The following SLC2A14 variants were observed in gnomAD, a reference collection of about 807,000 sequenced individuals.
SLC2A14 encodes solute carrier family 2, facilitated glucose transporter member 14.
In SLC2A14, 13 loss-of-function variants were observed where a neutral mutation model predicts 43.0. The ratio of observed to expected loss-of-function variants is 0.30; its 90% CI spans 0.20 to 0.48. The LOEUF (loss-of-function observed/expected upper bound fraction) is 0.48, where lower values mean the gene tolerates loss of function less well. Ranked by LOEUF, SLC2A14 falls within the 20% of genes least tolerant of loss-of-function variation. SLC2A14 has a pLI of 0.99. For missense variants in SLC2A14, 428 were observed against 620.4 expected, an observed-to-expected ratio of 0.69 and a Z score of 3.29; for synonymous variants, 190 against 233.8, an observed-to-expected ratio of 0.81 and a Z score of 1.71.
intron 7 of SLC2A14, among the ~76,000 whole-genome samples, chr12:7,827,113 CTTTT>C (rs1355460805): frequency 6.8e-5 from 8 of 118,302 alleles, no homozygotes; most frequent in Admixed American, 1.9e-4. Context: ...TTCTTTCTTT[CTTTT>C]TATTTCTTTC....
At chr12:7,866,238 A>AG (rs1011567329) in intron 2 of SLC2A14, among the ~76,000 whole-genome samples, 10 of 151,464 alleles carry the variant, frequency 6.6e-5, no homozygotes, top group Non-Finnish European at 1.0e-4. Context: ...AAAAAAAAAA[A>AG]AAAAGAAAAG....
intron 2 of SLC2A14, among the ~76,000 whole-genome samples, chr12:7,863,087 A>C (rs949423056): frequency 1.3e-5 from 2 of 152,102 alleles, no homozygotes; most frequent in African/African-American, 4.8e-5. Flanking sequence ...AAATCTTGCT[A>C]CTGCTCACTT....
rs1251200230 is a variant in SLC2A14 at position 7,812,838 on chromosome 12, G to A, written c.*1478C>T. On this transcript the variant is annotated 3_prime_UTR_variant, in exon 11 of 11. Transcript: ENST00000431042. ...AGCACCAAGAAGGGAAAGGGAGACT[G>A]AGCAACATATGAAAAAGGGGCTGTA... 1 of 152,142 alleles carries A rather than the reference G, an allele frequency of 6.6e-6. No homozygotes were observed. Among genetic ancestry groups the A allele is most frequent in the Admixed American group, 6.6e-5 (1 of 15,258 alleles). 9.4% of individuals were successfully genotyped at this position (152,142 alleles called of 1,614,324 possible). A position where few individuals can be genotyped will look rare whatever the true frequency, so the allele number is the denominator to read the frequency against.
At chr12:7,873,102 C>A (rs10772820), upstream of SLC2A14, 1 of 985,714 alleles carries the variant, frequency 1.0e-6, no homozygotes, top group Non-Finnish European at 1.2e-6. Flanking sequence ...ACGGTCCAGC[C>A]CCGGCGGCTG....
chr12:7,862,964 G>C (rs1052524664), intron 2 of SLC2A14, among the ~76,000 whole-genome samples: 2 of 152,066 alleles, frequency 1.3e-5, no homozygotes, highest in Non-Finnish European at 1.5e-5. Context: ...CAATCAGCAG[G>C]ATGTGGGTGG....
At chr12:7,875,042 TATATTTATATATAAATTATATA>T (rs1384704927), upstream of SLC2A14, among the ~76,000 whole-genome samples, 155 of 116,756 alleles carry the variant, frequency 1.3e-3, no homozygotes, top group African/African-American at 2.1e-3. Flanking sequence ...TATATAAATA[TATATTTATATATAAATTATATA>T]TTAAATATTA....
At position 7,821,238 on chromosome 12, in the gene SLC2A14, T is replaced by C. The variant is rs1863882166; in HGVS notation, c.952A>G (p.Ile318Val). 6.8e-6 allele frequency: 11 copies of C among 1,613,266 alleles called. No individual in the cohort carries two copies. Among genetic ancestry groups the C allele is most frequent in the African/African-American group, 1.3e-5 (1 of 74,904 alleles). Residue 318 changes from isoleucine to valine, a missense_variant, in exon 8 of 11, where the codon ATC (isoleucine) becomes GTC (valine). Coordinates refer to ENST00000431042, the MANE Select transcript of SLC2A14 (RefSeq NM_001286234.2). ...CAACTTACAGAAAGTAAAGTGAAGA[T>C]AGTATTAACCACACCCGCGCTGATG... ...ATISAGVVNT[I>V]FTLLSLFLVE...
chr12:7,828,453 C>G lies in SLC2A14; in HGVS notation c.676+251G>C, dbSNP rs530385176. ...ATCCCACCTACTCCGGAGGCTGATG[C>G]AGGAGAATCGCTTAGAACCCAGGAG... On this transcript the variant is annotated intron_variant, in intron 6 of 10. Transcript: ENST00000431042. Among the ~76,000 whole-genome samples the G allele has an allele frequency of 4.9e-4, 75 of 151,782 alleles. 1 individual carries two copies. The South Asian group carries it at 0.015, about 31-fold the overall frequency.
intron 1 of SLC2A14, among the ~76,000 whole-genome samples, chr12:7,888,859 T>C (rs1248271624): frequency 6.6e-6 from 1 of 151,718 alleles, no homozygotes; most frequent in East Asian, 1.9e-4. Context: ...TAGAAGAGAT[T>C]TAATTTAAAG....
intron 2 of SLC2A14, among the ~76,000 whole-genome samples, chr12:7,840,980 A>G (rs1865904222): frequency 1.3e-5 from 2 of 152,154 alleles, no homozygotes; most frequent in Admixed American, 6.5e-5. Flanking sequence ...AGGGTAATGC[A>G]CTAAAAATAG....
At chr12:7,838,786 A>C (rs898652478) in intron 2 of SLC2A14, among the ~76,000 whole-genome samples, 11 of 152,362 alleles carry the variant, frequency 7.2e-5, no homozygotes, top group South Asian at 2.1e-4. Context: ...CCTAAAATTC[A>C]TATGTTGAAG....
intron 1 of SLC2A14, among the ~76,000 whole-genome samples, chr12:7,885,594 A>G (rs1373673003): frequency 6.6e-6 from 1 of 151,594 alleles, no homozygotes. Flanking sequence ...TAGTCTGAGC[A>G]GTGCTTCTCT....
At chr12:7,872,991 GC>G, upstream of SLC2A14, 2 of 985,538 alleles carry the variant, frequency 2.0e-6, no homozygotes, top group Non-Finnish European at 2.4e-6. Context: ...TTCATCGGGA[GC>G]CCTCCGTAAG....
At chr12:7,830,129 T>G (rs148992229) in intron 4 of SLC2A14, 123 bp from the exon 5 acceptor site, 1 of 1,310,956 alleles carries the variant, frequency 7.6e-7, no homozygotes, top group Non-Finnish European at 1.0e-6. Context: ...GGTCTAACTT[T>G]TCTTTTTCAC....
chr12:7,862,872 C>T (rs775304011), intron 2 of SLC2A14, among the ~76,000 whole-genome samples: 2 of 152,030 alleles, frequency 1.3e-5, no homozygotes, highest in African/African-American at 4.8e-5. Context: ...ATCTGATGGG[C>T]ACGTGGAGAA....
At position 7,870,942 on chromosome 12, in the gene SLC2A14, T is replaced by G. The variant is rs1201725002; in HGVS notation, c.-57-1005A>C. The G allele has an allele frequency of 9.1e-6, 13 of 1,427,894 alleles. 1 individual carries two copies. The highest frequency in any genetic ancestry group is 1.2e-5 in the Non-Finnish European group (13 of 1,060,270). 88.5% of individuals were successfully genotyped at this position (1,427,894 alleles called of 1,614,324 possible). A position where few individuals can be genotyped will look rare whatever the true frequency, so the allele number is the denominator to read the frequency against. On this transcript the variant is annotated intron_variant, in intron 1 of 10. Coordinates refer to ENST00000431042, the MANE Select transcript of SLC2A14 (RefSeq NM_001286234.2). ...AATGTCTTCGTGATGTTCGACCAGT[T>G]CCACATCCAGGAGTTTAAGGAGGCT...
Position 7,831,586 on chromosome 12 carries a change from C to A in SLC2A14, c.272+18G>T, listed in dbSNP as rs964390851. On this transcript the variant is annotated intron_variant, in intron 4 of 10. Transcript: ENST00000431042. ...CATCTGGTAGAGCCCACTTCCTTGC[C>A]CAGTTTCTAGTCAATACCTGCCAAA... The A allele has an allele frequency of 6.2e-7, 1 of 1,613,558 alleles. No homozygotes were observed.
At position 7,831,778 on chromosome 12, in the gene SLC2A14, G is replaced by A. The variant is rs750388550; in HGVS notation, c.112-14C>T. On this transcript the variant is annotated splice_polypyrimidine_tract_variant and intron_variant, in intron 3 of 10. Coordinates refer to ENST00000431042, the MANE Select transcript of SLC2A14 (RefSeq NM_001286234.2). ...TTCCTTTATGATCTGCAAAATAAAA[G>A]GTGGGAGGACAGACTATTACAGTTG... 7 of 1,614,046 alleles carry A rather than the reference G, an allele frequency of 4.3e-6. No homozygotes were observed. In the East Asian group the frequency reaches 1.3e-4, roughly 31 times the overall value.
At chr12:7,866,941 A>G (rs1296173603) in intron 2 of SLC2A14, among the ~76,000 whole-genome samples, 1 of 151,300 alleles carries the variant, frequency 6.6e-6, no homozygotes, top group African/African-American at 2.4e-5. Flanking sequence ...TAGGACTTTC[A>G]TGGTTTTTTT....
Sources: gnomAD v4.1 joint callset for allele counts (sites outside exome capture counted in the v4.1 genomes callset) on GRCh38, gnomAD v4.1.1 for gene constraint, MANE v1.5 for transcripts, NCBI Gene and HGNC (gene_info 2026-07-23, HGNC 2026-07-21) for gene names.